SLC9A9: variants seen among roughly 807,000 people sequenced by gnomAD.
SLC9A9 encodes solute carrier family 9 member A9.
A neutral mutation model predicts 77.8 loss-of-function variants in SLC9A9; 62 were observed. The observed-to-expected ratio is 0.80, with a 90% CI of 0.65 to 0.98. SLC9A9 has a LOEUF of 0.98. Ranked by LOEUF, SLC9A9 falls within the 50% of genes least tolerant of loss-of-function variation. The pLI is 0.00. For synonymous variants in SLC9A9, 320 were observed against 283.5 expected (o/e 1.13, Z -1.29); for missense variants, 775 against 774.9 (o/e 1.00, Z 0.00).
At chr3:143,459,198 C>G (rs1209809298) in intron 12 of SLC9A9, among the ~76,000 whole-genome samples, 3 of 151,382 alleles carry the variant, frequency 2.0e-5, no homozygotes, top group East Asian at 3.9e-4. Context: ...GCTTTAAAGT[C>G]TTGATTCATT....
intron 13 of SLC9A9, chr3:143,371,909 G>T: frequency 2.9e-6 from 1 of 342,930 alleles, no homozygotes; most frequent in Non-Finnish European, 5.7e-6. Flanking sequence ...CAGTAGCACT[G>T]CTGTATACCA....
chr3:143,712,516 A>G (rs1335649133), intron 4 of SLC9A9, among the ~76,000 whole-genome samples: 1 of 152,184 alleles, frequency 6.6e-6, no homozygotes, highest in Non-Finnish European at 1.5e-5. Context: ...AACTATTACA[A>G]TCCAGTGTAG....
chr3:143,652,423 A>G lies in SLC9A9; in HGVS notation c.650-63T>C, dbSNP rs576658059. On this transcript the variant is annotated intron_variant, in intron 5 of 15. Transcript: ENST00000316549. ...TGCAGGCATGGAGTTTTCCTTGGCT[A>G]TGGTCACCACTCAAAAACATTAATG... 7 of 1,218,438 alleles carry G rather than the reference A, an allele frequency of 5.7e-6. No homozygotes were observed. The African/African-American group carries it at 9.0e-5, about 16-fold the overall frequency. The allele number at this position is 1,218,438 out of a possible 1,614,324, so 75.5% of individuals were successfully genotyped here.
chr3:143,266,689 C>G lies in SLC9A9; in HGVS notation c.*13G>C. ...TGCATTACTTGTGATTACATCTGTA[C>G]TCTTCATGCCAATTAATTCAACTGG... is the stretch of plus-strand genomic sequence containing the variant. On this transcript the variant is annotated 3_prime_UTR_variant, in exon 16 of 16. Coordinates refer to ENST00000316549, the MANE Select transcript of SLC9A9 (RefSeq NM_173653.4). 2 of 1,613,668 alleles carry G rather than the reference C, an allele frequency of 1.2e-6. No individual in the cohort carries two copies. The highest frequency in any genetic ancestry group is 1.7e-6 in the Non-Finnish European group (2 of 1,179,650).
chr3:143,504,099 A>G, intron 9 of SLC9A9: 1 of 496,386 alleles, frequency 2.0e-6, no homozygotes, highest in South Asian at 1.5e-5. Context: ...CCTTGATGGT[A>G]CTGTGGAACT....
intron 4 of SLC9A9, among the ~76,000 whole-genome samples, chr3:143,714,185 G>C (rs1015828039): frequency 6.6e-6 from 1 of 152,194 alleles, no homozygotes; most frequent in Admixed American, 6.5e-5. Flanking sequence ...CATACAGAAA[G>C]TCTAGCAGCC....
intron 14 of SLC9A9, among the ~76,000 whole-genome samples, chr3:143,353,746 GAGAAGGC>G (rs2032522268): frequency 6.6e-6 from 1 of 152,062 alleles, no homozygotes. Flanking sequence ...TGTGGCTTAG[GAGAAGGC>G]AGAAGACTTT....
chr3:143,322,483 TG>T lies in SLC9A9; in HGVS notation c.1604+41000del, dbSNP rs370563552. Among the ~76,000 whole-genome samples the T allele has an allele frequency of 6.3e-3, 938 of 149,784 alleles. 4 individuals carry two copies. The highest frequency in any genetic ancestry group is 0.019 in the South Asian group (89 of 4,664). On this transcript the variant is annotated intron_variant, in intron 14 of 15. Transcript: ENST00000316549. ...CCTTCAGCTTACCAAGTGTGGATCT[TG>T]GGACTTCTCAGTCTCCATAACTACT... is the stretch of plus-strand genomic sequence containing the variant.
At chr3:143,789,116 C>T (rs778852054) in intron 4 of SLC9A9, among the ~76,000 whole-genome samples, 10 of 152,130 alleles carry the variant, frequency 6.6e-5, no homozygotes, top group Non-Finnish European at 1.5e-4. Context: ...AGATACAAGA[C>T]GGCCACCAAG....
At chr3:143,339,863 G>A (rs1235766026) in intron 14 of SLC9A9, among the ~76,000 whole-genome samples, 1 of 152,152 alleles carries the variant, frequency 6.6e-6, no homozygotes, top group Non-Finnish European at 1.5e-5. Context: ...CTCTGGGAGT[G>A]ACAACTCCTT....
intron 6 of SLC9A9, among the ~76,000 whole-genome samples, chr3:143,608,415 T>C (rs1438303085): frequency 6.6e-6 from 1 of 152,196 alleles, no homozygotes; most frequent in Non-Finnish European, 1.5e-5. Flanking sequence ...TTGTCCTCCC[T>C]GGAATGTGAA....
At chr3:143,731,867 A>G (rs1934811533) in intron 4 of SLC9A9, among the ~76,000 whole-genome samples, 1 of 152,056 alleles carries the variant, frequency 6.6e-6, no homozygotes. Context: ...TGCCTCTATC[A>G]CTCTCCAACT....
rs569720476 is a variant in SLC9A9 at position 143,779,138 on chromosome 3, T to C, written c.533+15863A>G. On this transcript the variant is annotated intron_variant, in intron 4 of 15. Transcript: ENST00000316549. ...AATAATCTATGTTTAAAAATTCATA[T>C]ATTATACTGTTATTATTTATCACAT... is the stretch of plus-strand genomic sequence containing the variant. Among the ~76,000 whole-genome samples the C allele has an allele frequency of 8.5e-5, 13 of 152,290 alleles. No homozygotes were observed. The East Asian group carries it at 2.5e-3, about 29-fold the overall frequency.
intron 14 of SLC9A9, among the ~76,000 whole-genome samples, chr3:143,319,895 T>C (rs1033554441): frequency 3.5e-4 from 54 of 152,338 alleles, no homozygotes; most frequent in African/African-American, 1.0e-3. Flanking sequence ...TGTTTCTATT[T>C]TCCTGTCTCT....
At chr3:143,358,847 A>G (rs1301363707) in intron 14 of SLC9A9, among the ~76,000 whole-genome samples, 1 of 152,250 alleles carries the variant, frequency 6.6e-6, no homozygotes, top group Non-Finnish European at 1.5e-5. Context: ...AGACATATGT[A>G]TTCAATGTCA....
chr3:143,486,775 A>G (rs2035659387), intron 11 of SLC9A9, among the ~76,000 whole-genome samples: 1 of 152,076 alleles, frequency 6.6e-6, no homozygotes, highest in Non-Finnish European at 1.5e-5. Flanking sequence ...GAAAATAGCT[A>G]TAGAATATAT....
intron 14 of SLC9A9, among the ~76,000 whole-genome samples, chr3:143,331,494 G>T (rs573091981): frequency 5.9e-4 from 90 of 152,304 alleles, no homozygotes; most frequent in African/African-American, 2.1e-3. Flanking sequence ...GAAAGGAAAA[G>T]CTGCTGTGGG....
chr3:143,331,875 A>T (rs1576429716), intron 14 of SLC9A9, among the ~76,000 whole-genome samples: 1 of 152,180 alleles, frequency 6.6e-6, no homozygotes, highest in East Asian at 1.9e-4. Context: ...AGAGGTGGAG[A>T]GAGAGAAATT....
Position 143,614,940 on chromosome 3 carries a change from G to T in SLC9A9, c.756-36217C>A, listed in dbSNP as rs147989213. Among the ~76,000 whole-genome samples, 457 of 152,238 alleles carry T rather than the reference G, an allele frequency of 3.0e-3. 2 individuals are homozygous for T. Among genetic ancestry groups the T allele is most frequent in the African/African-American group, 9.3e-3 (388 of 41,558 alleles). ...AGAGTTCTTCAGAGTCCTTCAGAAT[G>T]CACTGGTCCTCTTGCAAATAAGAAG... On this transcript the variant is annotated intron_variant, in intron 6 of 15. Transcript: ENST00000316549.
Sources: allele counts gnomAD v4.1 joint callset (sites outside exome capture counted in the v4.1 genomes callset), GRCh38; gene constraint gnomAD v4.1.1; transcripts MANE v1.5; gene names NCBI Gene and HGNC (gene_info 2026-07-23, HGNC 2026-07-21).